The following CACNA1H variants were observed in gnomAD, a reference collection of about 807,000 sequenced individuals.
CACNA1H encodes calcium voltage-gated channel subunit alpha1 H, also known as voltage-dependent T-type calcium channel subunit alpha-1H.
Under a neutral mutation model 192.5 loss-of-function variants are expected in CACNA1H, and 149 were observed. The ratio of observed to expected loss-of-function variants is 0.77; its 90% CI spans 0.68 to 0.89. The LOEUF is 0.89. Ranked by LOEUF, CACNA1H falls within the 40% of genes least tolerant of loss-of-function variation. CACNA1H has a pLI of 0.00. For missense variants in CACNA1H, 4,257 were observed against 3,423.5 expected (o/e 1.24, Z -6.08); for synonymous variants, 2,202 against 1,475.2 (o/e 1.49, Z -11.29).
Position 1,161,288 on chromosome 16 carries a change from C to T in CACNA1H, c.299+7252C>T, listed in dbSNP as rs541202130. Among the ~76,000 whole-genome samples the T allele has an allele frequency of 3.3e-5, 5 of 152,324 alleles. No homozygotes were observed. The East Asian group carries it at 7.7e-4, about 24-fold the overall frequency. On this transcript the variant is annotated intron_variant, in intron 2 of 34. Coordinates refer to ENST00000348261, the MANE Select transcript of CACNA1H (RefSeq NM_021098.3). The stretch of plus-strand genomic sequence containing the variant: ...TGTTGGCATTAATGAACGCTGTCAA[C>T]TGAGCCGGTGGCAGAGGTGGGGGCA...
At chr16:1,166,031 A>C (rs1963735450) in intron 2 of CACNA1H, among the ~76,000 whole-genome samples, 1 of 152,118 alleles carries the variant, frequency 6.6e-6, no homozygotes, top group African/African-American at 2.4e-5. Context: ...TTGGCACCGT[A>C]GGGGGACACA....
intron 2 of CACNA1H, among the ~76,000 whole-genome samples, chr16:1,187,567 G>T (rs528766526): frequency 1.7e-3 from 260 of 152,358 alleles, no homozygotes; most frequent in South Asian, 3.5e-3. Flanking sequence ...AGGGGACAGC[G>T]GGTGGGGCAG....
In CACNA1H at chr16:1,195,436, T is replaced by A; in HGVS notation, c.416T>A (p.Phe139Tyr). The A allele has an allele frequency of 6.4e-7, 1 of 1,553,230 alleles. No homozygotes were observed. The highest frequency in any genetic ancestry group is 1.4e-5 in the African/African-American group (1 of 73,260). Residue 139 changes from phenylalanine to tyrosine, a missense_variant, in exon 4 of 35, where the codon TTT becomes TAT. Coordinates refer to ENST00000348261, the MANE Select transcript of CACNA1H (RefSeq NM_021098.3). ...TCCTGATGCCTCCTCCCGCAGGCCTTTGACGCCTTCATTTTCGCCTTTTTT... is the reference window on the plus strand; with the variant it reads ...TCCTGATGCCTCCTCCCGCAGGCCTATGACGCCTTCATTTTCGCCTTTTTT... ...GSERCNILEA[F>Y]DAFIFAFFAV...
At chr16:1,170,505 G>A (rs1031950278) in intron 2 of CACNA1H, among the ~76,000 whole-genome samples, 18 of 152,182 alleles carry the variant, frequency 1.2e-4, no homozygotes, top group Admixed American at 5.9e-4. Flanking sequence ...AGTGAAAGAC[G>A]TACCCCGACA....
Position 1,215,083 on chromosome 16 carries a change from T to C in CACNA1H, c.5039+2T>C. ...GTTCCGTCGGTTCTTCAAGGACAGGTGTGTGTGGTGGGGCCGTCTTGGGTT... is the reference window on the plus strand; with the variant it reads ...GTTCCGTCGGTTCTTCAAGGACAGGCGTGTGTGGTGGGGCCGTCTTGGGTT... On this transcript the variant is annotated splice_donor_variant, in intron 28 of 34. Transcript: ENST00000348261. LOFTEE classifies it high-confidence loss of function. The C allele has an allele frequency of 6.2e-7, 1 of 1,609,312 alleles. No homozygotes were observed. Among genetic ancestry groups the C allele is most frequent in the Non-Finnish European group, 8.5e-7 (1 of 1,177,544 alleles).
intron 2 of CACNA1H, among the ~76,000 whole-genome samples, chr16:1,156,144 C>T (rs1229343203): frequency 6.6e-6 from 1 of 152,134 alleles, no homozygotes; most frequent in Non-Finnish European, 1.5e-5. Context: ...CACGGCAGGA[C>T]CCCCCACCCT....
Position 1,208,230 on chromosome 16 carries a change from C to T in CACNA1H, c.3363+9C>T, listed in dbSNP as rs935310469. 4 of 1,544,426 alleles carry T rather than the reference C, an allele frequency of 2.6e-6. No homozygotes were observed. Among genetic ancestry groups the T allele is most frequent in the African/African-American group, 1.4e-5 (1 of 73,104 alleles). ...GAGACCAGAAGCCTCCGGTAGGGAC[C>T]ATCTCCTGCCCCAGCTCTCAGGCCC... On this transcript the variant is annotated intron_variant, in intron 16 of 34. Coordinates refer to ENST00000348261, the MANE Select transcript of CACNA1H (RefSeq NM_021098.3).
Position 1,202,334 on chromosome 16 carries a change from C to T in CACNA1H, c.1884C>T (p.Thr628=), listed in dbSNP as rs1157901037. 7.0e-6 allele frequency: 11 copies of T among 1,576,628 alleles called. No individual in the cohort carries two copies. The highest frequency in any genetic ancestry group is 9.5e-6 in the Non-Finnish European group (11 of 1,163,476). The change falls in exon 9 of 35, where the codon ACC becomes ACT. Residue 628 remains threonine (T), a synonymous_variant. Coordinates refer to ENST00000348261, the MANE Select transcript of CACNA1H (RefSeq NM_021098.3). ...PSGVGSGKGS[T]SPGPKGKWAG... is the part of the protein sequence containing the mutation. ...GGGTGGGCAGCGGCAAAGGCAGCAC[C>T]AGCCCCGGACCCAAGGGGAAGTGGG...
chr16:1,210,428 G>T lies in CACNA1H; in HGVS notation c.3904G>T (p.Val1302Phe), dbSNP rs200904795. The T allele has an allele frequency of 1.2e-6, 2 of 1,602,040 alleles. No individual in the cohort carries two copies. The highest frequency in any genetic ancestry group is 1.7e-6 in the Non-Finnish European group (2 of 1,175,866). ...CAAGATGTTTGATCACGTGGTCCTC[G>T]TCTTCATCTTCCTCAACTGCGTCAC... ...THKMFDHVVL[V>F]FIFLNCVTIA... Residue 1302 changes from valine (V) to phenylalanine (F), a missense_variant, in exon 19 of 35, where the codon GTC (valine) becomes TTC (phenylalanine). By Grantham distance (50) the Val-to-Phe change is conservative. Coordinates refer to ENST00000348261, the MANE Select transcript of CACNA1H (RefSeq NM_021098.3).
intron 20 of CACNA1H, 53 bp downstream of exon 20, chr16:1,210,704 A>G: frequency 6.3e-7 from 1 of 1,581,880 alleles, no homozygotes; most frequent in Non-Finnish European, 8.5e-7. Context: ...TTCTGCCCTC[A>G]TCCCCACCCC....
In CACNA1H at chr16:1,194,972, A is replaced by G. The variant is rs1408605782; in HGVS notation, c.300A>G (p.Pro100=). The G allele has an allele frequency of 4.3e-6, 7 of 1,609,636 alleles. No homozygotes were observed. Among genetic ancestry groups the G allele is most frequent in the Non-Finnish European group, 5.9e-6 (7 of 1,177,254 alleles). Residue 100 remains proline, a splice_region_variant and synonymous_variant, in exon 3 of 35, where the codon CCA becomes CCG. Coordinates refer to ENST00000348261, the MANE Select transcript of CACNA1H (RefSeq NM_021098.3). The part of the protein sequence containing the change: ...RSWCLRLVCN[P]WFEHVSMLVI... ...TGTGCTCCTTAACCCGCGGCGACAC[A>G]TGGTTCGAGCACGTGAGCATGCTGG...
At position 1,169,234 on chromosome 16, in the gene CACNA1H, G is replaced by T. The variant is rs540172454; in HGVS notation, c.299+15198G>T. ...TGGAACGTGGACGTGGACGTGGACG[G>T]GCTTCCTTTGCCGCTATGTTCACTG... On this transcript the variant is annotated intron_variant, in intron 2 of 34. Coordinates refer to ENST00000348261, the MANE Select transcript of CACNA1H (RefSeq NM_021098.3). 2.6e-4 allele frequency among the ~76,000 whole-genome samples: 39 copies of T among 152,216 alleles called. 2 individuals carry two copies. The East Asian group carries it at 7.4e-3, about 29-fold the overall frequency.
Position 1,211,810 on chromosome 16 carries a change from G to T in CACNA1H, c.4566+5G>T. On this transcript the variant is annotated splice_donor_5th_base_variant and intron_variant, in intron 24 of 34. Coordinates refer to ENST00000348261, the MANE Select transcript of CACNA1H (RefSeq NM_021098.3). Reference sequence around the variant, plus strand: ...GCCGTGGGTGTCGACCAGCAGGTGCGCACAGGCGGGTCGAGCTGGGTCACC... The same window carrying T: ...GCCGTGGGTGTCGACCAGCAGGTGCTCACAGGCGGGTCGAGCTGGGTCACC... The T allele has an allele frequency of 6.2e-7, 1 of 1,612,000 alleles. No homozygotes were observed. The highest frequency in any genetic ancestry group is 8.5e-7 in the Non-Finnish European group (1 of 1,179,546).
Position 1,215,251 on chromosome 16 carries a change from G to A in CACNA1H, c.5049G>A (p.Gln1683=). 1 of 1,604,036 alleles carries A rather than the reference G, an allele frequency of 6.2e-7. No individual in the cohort carries two copies. Among genetic ancestry groups the A allele is most frequent in the East Asian group, 2.2e-5 (1 of 44,584 alleles). ...FRRFFKDRWN[Q]LDLAIVLLSL... ...GCCTCCGGCCACACAGGTGGAACCA[G>A]CTGGACCTGGCCATCGTGCTGCTGT... The change falls in exon 29 of 35, where the codon CAG becomes CAA. Residue 1683 remains glutamine, a synonymous_variant. Coordinates refer to ENST00000348261, the MANE Select transcript of CACNA1H (RefSeq NM_021098.3).
In CACNA1H at chr16:1,209,343, C is replaced by T. The variant is rs1454878776; in HGVS notation, c.3675C>T (p.Pro1225=). 1.8e-5 allele frequency: 29 copies of T among 1,597,924 alleles called. No homozygotes were observed. Among genetic ancestry groups the T allele is most frequent in the Admixed American group, 5.0e-5 (3 of 59,964 alleles). ...RDRDGQVVAL[P]SDFFLRIDSH... ...GCGACGGGCAGGTGGTGGCCCTGCC[C>T]AGCGACTTCTTCCTGCGCATCGACA... is the stretch of plus-strand genomic sequence containing the variant. Residue 1225 remains proline, a synonymous_variant, in exon 17 of 35, where the codon CCC becomes CCT. Coordinates refer to ENST00000348261, the MANE Select transcript of CACNA1H (RefSeq NM_021098.3).
intron 2 of CACNA1H, among the ~76,000 whole-genome samples, chr16:1,184,945 G>A (rs750687382): frequency 1.3e-5 from 2 of 152,148 alleles, no homozygotes; most frequent in Non-Finnish European, 2.9e-5. Flanking sequence ...TAAAGCGCAC[G>A]GGTTAGCGAC....
chr16:1,213,624 C>T (rs1969716170), intron 26 of CACNA1H, among the ~76,000 whole-genome samples, 156 bp from the exon 27 acceptor site: 2 of 151,918 alleles, frequency 1.3e-5, no homozygotes, highest in Non-Finnish European at 1.5e-5. Flanking sequence ...CTTATGTGAG[C>T]CCTGCCATGA....
rs750987846 is a variant in CACNA1H, at chr16:1,202,320, G to A, written c.1870G>A (p.Gly624Ser). 3.6e-5 allele frequency: 57 copies of A among 1,582,088 alleles called. 1 individual carries two copies. Among genetic ancestry groups the A allele is most frequent in the South Asian group, 1.2e-4 (10 of 86,260 alleles). ...PTILPSGVGS[G>S]KGSTSPGPKG... ...GATCCTGCCCTCAGGGGTGGGCAGC[G>A]GCAAAGGCAGCACCAGCCCCGGACC... The change falls in exon 9 of 35, where the codon GGC becomes AGC. Residue 624 changes from glycine (G) to serine (S), a missense_variant. Physicochemically the swap from Gly to Ser is moderately conservative, Grantham distance 56. Transcript: ENST00000348261.
In CACNA1H at chr16:1,200,531, A is replaced by G. The variant is rs765701309; in HGVS notation, c.1079A>G (p.Asn360Ser). ...GDSNPHNGAI[N>S]FDNIGYAWIA... ...TCCAACCCCCACAACGGTGCCATCAACTTCGACAACATCGGCTACGCCTGG... is the reference window on the plus strand; with the variant it reads ...TCCAACCCCCACAACGGTGCCATCAGCTTCGACAACATCGGCTACGCCTGG... Residue 360 changes from asparagine to serine, a missense_variant, in exon 7 of 35, where the codon AAC (asparagine) becomes AGC (serine). By Grantham distance (46) the Asn-to-Ser change is conservative. Coordinates refer to ENST00000348261, the MANE Select transcript of CACNA1H (RefSeq NM_021098.3). The G allele has an allele frequency of 6.2e-7, 1 of 1,612,298 alleles. No individual in the cohort carries two copies. The highest frequency in any genetic ancestry group is 1.1e-5 in the South Asian group (1 of 91,084).
Sources: gnomAD v4.1 joint callset for allele counts (sites outside exome capture counted in the v4.1 genomes callset) on GRCh38, gnomAD v4.1.1 for gene constraint, MANE v1.5 for transcripts, NCBI Gene and HGNC (gene_info 2026-07-23, HGNC 2026-07-21) for gene names.